FN1: variants seen among roughly 807,000 people sequenced by gnomAD.
FN1 encodes the protein fibronectin 1.
Under a neutral mutation model 297.3 loss-of-function variants are expected in FN1, and 106 were observed. The observed-to-expected ratio is 0.36, with a 90% CI of 0.30 to 0.42. The LOEUF is 0.42. FN1 is among the 10% of genes least tolerant of loss of function. FN1 has a pLI of 1.00. For missense variants in FN1, 2,690 were observed against 3,124.9 expected (o/e 0.86, Z 3.32); for synonymous variants, 1,149 against 1,152.6 (o/e 1.00, Z 0.06).
Position 215,376,613 on chromosome 2 carries a change from G to C in FN1, c.5772C>G (p.Ser1924Arg). ...TGATCGTCTCAGTCTTGGTTCTCCAGCTAATGGTGATGGTGGTCTCAGTAG... is the reference window on the plus strand; with the variant it reads ...TGATCGTCTCAGTCTTGGTTCTCCACCTAATGGTGATGGTGGTCTCAGTAG... ...TDATETTITI[S>R]WRTKTETITG... The change falls in exon 36 of 46, where the codon AGC (serine) becomes AGG (arginine). Residue 1924 changes from serine to arginine, a missense_variant. By Grantham distance (110) the Ser-to-Arg change is moderately radical. Transcript: ENST00000354785. 6.2e-7 allele frequency: 1 copy of C among 1,613,998 alleles called. No homozygotes were observed.
chr2:215,406,828 G>GT (rs1469550408), intron 18 of FN1, among the ~76,000 whole-genome samples: 2 of 152,110 alleles, frequency 1.3e-5, no homozygotes, highest in African/African-American at 4.8e-5. Flanking sequence ...AGAAAATAAT[G>GT]TAACAGTTTT....
At chr2:215,428,615 A>G (rs1465327831) in intron 5 of FN1, among the ~76,000 whole-genome samples, 1 of 152,192 alleles carries the variant, frequency 6.6e-6, no homozygotes, top group African/African-American at 2.4e-5. Context: ...CCTTTGACTA[A>G]CTTCATTCTC....
rs190212174 is a variant in FN1, at chr2:215,433,919, C to T, written c.278-458G>A. 6.0e-4 allele frequency among the ~76,000 whole-genome samples: 92 copies of T among 152,212 alleles called. No individual in the cohort carries two copies. In the East Asian group the frequency reaches 0.012, roughly 21 times the overall value. Reference sequence around the variant, plus strand: ...GAATTCGAGACCACCCTGACCAATACGGTGAAACCCCGTCTCTACTAAAAA... The same window carrying T: ...GAATTCGAGACCACCCTGACCAATATGGTGAAACCCCGTCTCTACTAAAAA... On this transcript the variant is annotated intron_variant, in intron 2 of 45. Transcript: ENST00000354785.
At chr2:215,390,527 G>C (rs1174823376) in intron 26 of FN1, among the ~76,000 whole-genome samples, 1 of 152,126 alleles carries the variant, frequency 6.6e-6, no homozygotes, top group Non-Finnish European at 1.5e-5. Context: ...TTTGCTAGGA[G>C]GGAGAGGGGC....
At chr2:215,422,014 G>C in intron 10 of FN1, 77 bp downstream of exon 10, 1 of 1,366,612 alleles carries the variant, frequency 7.3e-7, no homozygotes. Context: ...TTGGCATAGT[G>C]CAAGTTTTCA....
At chr2:215,403,979 G>A (rs1194172874) in intron 20 of FN1, among the ~76,000 whole-genome samples, 1 of 152,174 alleles carries the variant, frequency 6.6e-6, no homozygotes, top group Non-Finnish European at 1.5e-5. Context: ...GTTAACTAGT[G>A]TTTGGTAAAT....
At chr2:215,393,434 A>G in intron 24 of FN1, 6 of 180,362 alleles carry the variant, frequency 3.3e-5, no homozygotes, top group Non-Finnish European at 5.6e-5. Flanking sequence ...GGGAATATAT[A>G]TATATATATA....
intron 12 of FN1, among the ~76,000 whole-genome samples, chr2:215,417,206 A>G (rs2063550189): frequency 6.6e-6 from 1 of 152,230 alleles, no homozygotes; most frequent in Admixed American, 6.5e-5. Flanking sequence ...TTTTTAAATT[A>G]ACTTAATTGG....
At chr2:215,375,192 G>T in intron 38 of FN1, 22 bp downstream of exon 38, 1 of 1,612,590 alleles carries the variant, frequency 6.2e-7, no homozygotes, top group South Asian at 1.1e-5. Context: ...GAAGGAAAAT[G>T]ACAGCATGGA....
At chr2:215,382,174 T>C (rs768173154) in intron 32 of FN1, 38 bp downstream of exon 32, 9 of 1,409,236 alleles carry the variant, frequency 6.4e-6, no homozygotes, top group Non-Finnish European at 9.1e-6. Context: ...AGAACAAAAT[T>C]TGACTTTGAA....
chr2:215,363,873 T>C (rs2054008050), intron 44 of FN1, among the ~76,000 whole-genome samples: 1 of 152,240 alleles, frequency 6.6e-6, no homozygotes, highest in South Asian at 2.1e-4. Context: ...CTGGCTTAAA[T>C]AATGGGTTGC....
chr2:215,391,596 T>A (rs774958119), intron 26 of FN1, 36 bp downstream of exon 26: 17 of 1,566,838 alleles, frequency 1.1e-5, no homozygotes, highest in Non-Finnish European at 1.3e-5. Flanking sequence ...ATGCTCTAGG[T>A]TAATATTTAT....
intron 6 of FN1, among the ~76,000 whole-genome samples, chr2:215,425,833 A>G (rs2065239105): frequency 6.6e-6 from 1 of 152,010 alleles, no homozygotes; most frequent in South Asian, 2.1e-4. Context: ...CGGCCTCCCA[A>G]AGTGCTGGGA....
chr2:215,387,942 A>G lies in FN1; in HGVS notation c.4342+270T>C, dbSNP rs567750000. Reference sequence around the variant, plus strand: ...GCCTAATGAAAAGGAATGTCTGCTAAATCTAAATAACAAAGATCTTCTTAG... The same window carrying G: ...GCCTAATGAAAAGGAATGTCTGCTAGATCTAAATAACAAAGATCTTCTTAG... On this transcript the variant is annotated intron_variant, in intron 27 of 45. Coordinates refer to ENST00000354785, the MANE Select transcript of FN1 (RefSeq NM_212482.4). 9.2e-5 allele frequency among the ~76,000 whole-genome samples: 14 copies of G among 152,356 alleles called. 1 individual carries two copies. The South Asian group carries it at 2.3e-3, about 25-fold the overall frequency.
At chr2:215,389,151 CG>C (rs1421606850) in intron 26 of FN1, among the ~76,000 whole-genome samples, 1 of 151,942 alleles carries the variant, frequency 6.6e-6, no homozygotes, top group Non-Finnish European at 1.5e-5. Context: ...TTGCCCAGGC[CG>C]GAGTGCAGTG....
At chr2:215,370,856 C>T (rs912755941) in intron 40 of FN1, among the ~76,000 whole-genome samples, 133 of 152,154 alleles carry the variant, frequency 8.7e-4, no homozygotes, top group Non-Finnish European at 1.5e-3. Context: ...AGTGTGGAGT[C>T]CTTAAAACAG....
At chr2:215,383,881 G>C in intron 30 of FN1, 139 bp downstream of exon 30, 1 of 899,780 alleles carries the variant, frequency 1.1e-6, no homozygotes, top group Non-Finnish European at 1.7e-6. Flanking sequence ...AACTCTGTTC[G>C]CTGCAGGTGC....
At position 215,370,327 on chromosome 2, in the gene FN1, C is replaced by G; in HGVS notation, c.6820G>C (p.Val2274Leu). The G allele has an allele frequency of 6.2e-7, 1 of 1,614,004 alleles. No individual in the cohort carries two copies. The highest frequency in any genetic ancestry group is 2.2e-5 in the East Asian group (1 of 44,866). Reference sequence around the variant, plus strand: ...CCCACGGTAACAACCTCTTCCCGAACCTTATGCCTCTGCTGGTCTTTCAGT... The same window carrying G: ...CCCACGGTAACAACCTCTTCCCGAAGCTTATGCCTCTGCTGGTCTTTCAGT... The part of the protein sequence containing the change: ...EALKDQQRHK[V>L]REEVVTVGNS... The change falls in exon 41 of 46, where the codon GTT (valine) becomes CTT (leucine). Residue 2274 changes from valine (V) to leucine (L), a missense_variant. Physicochemically the swap from Val to Leu is conservative, Grantham distance 32. Around this residue, in one of 3 missense-constraint regions of FN1, gnomAD observed 1,743 missense variants for 1,945.2 expected, o/e 0.90. Coordinates refer to ENST00000354785, the MANE Select transcript of FN1 (RefSeq NM_212482.4).
intron 20 of FN1, among the ~76,000 whole-genome samples, chr2:215,402,633 T>C (rs1026812191): frequency 6.6e-6 from 1 of 152,254 alleles, no homozygotes; most frequent in Non-Finnish European, 1.5e-5. Flanking sequence ...ATACCCTGCT[T>C]ACATTAGTTT....
Sources: gnomAD v4.1 joint callset for allele counts (sites outside exome capture counted in the v4.1 genomes callset) on GRCh38, gnomAD v4.1.1 for gene constraint, gnomAD v4.1.1 regional missense constraint, MANE v1.5 for transcripts, NCBI Gene and HGNC (gene_info 2026-07-23, HGNC 2026-07-21) for gene names.